The following HECW2 variants were observed in gnomAD, a reference collection of about 807,000 sequenced individuals.
HECW2 encodes E3 ubiquitin-protein ligase HECW2.
Under a neutral mutation model 175.2 loss-of-function variants are expected in HECW2, and 61 were observed. The ratio of observed to expected loss-of-function variants is 0.35; its 90% CI spans 0.28 to 0.43. The LOEUF (loss-of-function observed/expected upper bound fraction) is 0.43. Ranked by LOEUF, HECW2 falls within the 20% of genes least tolerant of loss-of-function variation. The pLI, the probability that HECW2 is intolerant of heterozygous loss-of-function variation, is 1.00. For synonymous variants in HECW2, 671 were observed against 731.0 expected, an observed-to-expected ratio of 0.92 and a Z score of 1.32; for missense variants, 1,524 against 2,000.5, an observed-to-expected ratio of 0.76 and a Z score of 4.54.
chr2:196,472,844 C>T (rs980511081), intron 1 of HECW2, among the ~76,000 whole-genome samples: 1 of 152,182 alleles, frequency 6.6e-6, no homozygotes, highest in African/African-American at 2.4e-5. Context: ...TGGTTCCGAA[C>T]CCCTGATCTC....
chr2:196,244,261 T>C (rs1688566788), intron 19 of HECW2, among the ~76,000 whole-genome samples: 1 of 152,154 alleles, frequency 6.6e-6, no homozygotes, highest in Non-Finnish European at 1.5e-5. Flanking sequence ...CTGAACTAGG[T>C]ATACAGACTA....
At chr2:196,575,454 C>T (rs542601962) in intron 1 of HECW2, among the ~76,000 whole-genome samples, 6 of 152,048 alleles carry the variant, frequency 3.9e-5, no homozygotes, top group Non-Finnish European at 7.4e-5. Context: ...AAAAGACATC[C>T]GCACTCCCAT....
intron 1 of HECW2, among the ~76,000 whole-genome samples, chr2:196,451,390 G>A (rs1378580098): frequency 3.5e-5 from 5 of 144,500 alleles, no homozygotes; most frequent in African/African-American, 5.2e-5. Context: ...CTGAGATCGC[G>A]CCACTGCACT....
chr2:196,573,248 CAA>C (rs113834036), intron 1 of HECW2, among the ~76,000 whole-genome samples: 40 of 77,010 alleles, frequency 5.2e-4, no homozygotes, highest in African/African-American at 9.9e-4. Flanking sequence ...GAATGCTGAC[CAA>C]AAAAAAAAAA....
At chr2:196,462,494 A>T (rs1027548856) in intron 1 of HECW2, among the ~76,000 whole-genome samples, 1 of 152,182 alleles carries the variant, frequency 6.6e-6, no homozygotes, top group African/African-American at 2.4e-5. Context: ...TGATGCTTTA[A>T]TCAGATCTTA....
intron 1 of HECW2, among the ~76,000 whole-genome samples, chr2:196,542,934 A>G (rs1489817372): frequency 1.3e-5 from 2 of 148,226 alleles, no homozygotes; most frequent in Non-Finnish European, 3.0e-5. Context: ...ATAGATAGCT[A>G]TATATTATAT....
At chr2:196,553,590 G>C (rs1462214121) in intron 1 of HECW2, among the ~76,000 whole-genome samples, 3 of 152,174 alleles carry the variant, frequency 2.0e-5, no homozygotes. Flanking sequence ...CTGCCATCAG[G>C]CTCCTCAGCA....
intron 2 of HECW2, among the ~76,000 whole-genome samples, chr2:196,430,062 T>C (rs1007617577): frequency 6.6e-6 from 1 of 152,084 alleles, no homozygotes; most frequent in Non-Finnish European, 1.5e-5. Context: ...AGCTAAGACA[T>C]CAGAAATGCT....
intron 2 of HECW2, among the ~76,000 whole-genome samples, chr2:196,419,290 A>G (rs1417613085): frequency 6.6e-6 from 1 of 152,208 alleles, no homozygotes; most frequent in African/African-American, 2.4e-5. Flanking sequence ...CTGAATCCTC[A>G]CTTAAAAGAT....
intron 15 of HECW2, among the ~76,000 whole-genome samples, chr2:196,278,133 A>ATATATATATATATATATATATACATATAT (rs1553489735): frequency 1.5e-5 from 1 of 66,552 alleles, no homozygotes; most frequent in Non-Finnish European, 3.3e-5. Flanking sequence ...ATAATTAAAA[A>ATATATATATATATATATATATACATATAT]ATATATATAT....
chr2:196,475,713 A>C (rs929322851), intron 1 of HECW2, among the ~76,000 whole-genome samples: 1 of 152,124 alleles, frequency 6.6e-6, no homozygotes, highest in African/African-American at 2.4e-5. Context: ...CAGAATGAAA[A>C]CTCATCAGCT....
At chr2:196,498,444 T>A (rs1408844432) in intron 1 of HECW2, among the ~76,000 whole-genome samples, 2 of 152,174 alleles carry the variant, frequency 1.3e-5, no homozygotes, top group African/African-American at 4.8e-5. Flanking sequence ...GATTTCTGAC[T>A]GAAATCACCT....
intron 19 of HECW2, among the ~76,000 whole-genome samples, chr2:196,247,035 G>A (rs566034913): frequency 9.9e-5 from 15 of 152,184 alleles, no homozygotes; most frequent in South Asian, 4.2e-4. Flanking sequence ...GGCTGAGGTC[G>A]GTGGATCATG....
chr2:196,259,481 A>G (rs1338640739), intron 17 of HECW2, among the ~76,000 whole-genome samples: 6 of 152,198 alleles, frequency 3.9e-5, no homozygotes, highest in Non-Finnish European at 1.5e-5. Flanking sequence ...GGCTAGATCC[A>G]TTTTATATGA....
At chr2:196,536,025 T>C (rs571561327) in intron 1 of HECW2, among the ~76,000 whole-genome samples, 7 of 152,248 alleles carry the variant, frequency 4.6e-5, no homozygotes, top group Admixed American at 4.6e-4. Flanking sequence ...AAATGGTTGA[T>C]AGAGGCTAAA....
At chr2:196,434,773 G>T (rs539254618) in intron 1 of HECW2, among the ~76,000 whole-genome samples, 1 of 152,128 alleles carries the variant, frequency 6.6e-6, no homozygotes, top group Non-Finnish European at 1.5e-5. Flanking sequence ...AACCCTATTG[G>T]GTCCTGGGAA....
chr2:196,216,065 G>T, intron 27 of HECW2, 88 bp from the exon 28 acceptor site: 1 of 857,832 alleles, frequency 1.2e-6, no homozygotes, highest in African/African-American at 1.7e-5. Flanking sequence ...CAGAGCTCCT[G>T]AGGAAGAGCA....
chr2:196,537,206 T>G (rs1689049432), intron 1 of HECW2, among the ~76,000 whole-genome samples: 1 of 152,180 alleles, frequency 6.6e-6, no homozygotes, highest in East Asian at 1.9e-4. Context: ...ACAATAGAGT[T>G]TCCAGGAAAA....
intron 1 of HECW2, among the ~76,000 whole-genome samples, chr2:196,502,942 T>G (rs993323180): frequency 4.6e-5 from 7 of 152,224 alleles, no homozygotes; most frequent in African/African-American, 1.7e-4. Flanking sequence ...AAATATGATC[T>G]CTTCTTCTAC....
Sources: gnomAD v4.1 joint callset for allele counts (sites outside exome capture counted in the v4.1 genomes callset) on GRCh38, gnomAD v4.1.1 for gene constraint, MANE v1.5 for transcripts, NCBI Gene and HGNC (gene_info 2026-07-23, HGNC 2026-07-21) for gene names.